The following LURAP1L variants were observed in gnomAD, a reference collection of about 807,000 sequenced individuals.
LURAP1L encodes leucine rich adaptor protein 1 like, also known as leucine rich adaptor protein 1-like.
Under a neutral mutation model 13.8 loss-of-function variants are expected in LURAP1L, and 12 were observed. The observed-to-expected ratio is 0.87, with a 90% CI of 0.56 to 1.41. The LOEUF is 1.41. LURAP1L is among the 40% of genes most tolerant of loss of function. The pLI is 0.00. For synonymous variants in LURAP1L, 139 were observed against 119.2 expected, an observed-to-expected ratio of 1.17 and a Z score of -1.08; for missense variants, 375 against 292.9, an observed-to-expected ratio of 1.28 and a Z score of -2.04.
intron 1 of LURAP1L, among the ~76,000 whole-genome samples, chr9:12,793,912 C>G (rs1057119126): frequency 6.6e-6 from 1 of 152,020 alleles, no homozygotes; most frequent in African/African-American, 2.4e-5. Flanking sequence ...AAATAAATAA[C>G]AAGGCTTAAT....
At chr9:12,786,967 C>T (rs1476246446) in intron 1 of LURAP1L, among the ~76,000 whole-genome samples, 1 of 151,910 alleles carries the variant, frequency 6.6e-6, no homozygotes, top group African/African-American at 2.4e-5. Context: ...TTTTGGTGAG[C>T]AGAATAAAGT....
At chr9:12,820,540 A>G (rs929964167) in intron 1 of LURAP1L, among the ~76,000 whole-genome samples, 6 of 137,234 alleles carry the variant, frequency 4.4e-5, no homozygotes, top group African/African-American at 1.3e-4. Flanking sequence ...CCACACACCT[A>G]GAAGGCACAT....
chr9:12,785,379 G>A (rs1368088889), intron 1 of LURAP1L, among the ~76,000 whole-genome samples: 1 of 152,008 alleles, frequency 6.6e-6, no homozygotes, highest in Non-Finnish European at 1.5e-5. Context: ...GTCTCACTAG[G>A]TCCTGTACAC....
chr9:12,785,225 G>A (rs1464547985), intron 1 of LURAP1L, among the ~76,000 whole-genome samples: 1 of 152,072 alleles, frequency 6.6e-6, no homozygotes, highest in Non-Finnish European at 1.5e-5. Context: ...CTATGGCTGA[G>A]GTAGTATTTA....
intron 1 of LURAP1L, among the ~76,000 whole-genome samples, chr9:12,796,154 A>G (rs1020554705): frequency 1.3e-5 from 2 of 152,008 alleles, no homozygotes; most frequent in East Asian, 1.9e-4. Context: ...ACATTTATCT[A>G]TGATTTCCCA....
At chr9:12,817,537 G>A (rs114002963) in intron 1 of LURAP1L, among the ~76,000 whole-genome samples, 328 of 152,266 alleles carry the variant, frequency 2.2e-3, no homozygotes, top group Middle Eastern at 6.8e-3. Flanking sequence ...ATCAAGGCAT[G>A]GGTATTGCAT....
Position 12,822,286 on chromosome 9 carries a change from G to C in LURAP1L, c.*526G>C, listed in dbSNP as rs565111155. On this transcript the variant is annotated 3_prime_UTR_variant, in exon 2 of 2. Coordinates refer to ENST00000319264, the MANE Select transcript of LURAP1L (RefSeq NM_203403.2). ...ATTCTAGTGTATAATCAACCATACT[G>C]TTAGTCACACACGCCCACATGACAA... Among the ~76,000 whole-genome samples the C allele has an allele frequency of 2.3e-4, 35 of 152,266 alleles. No individual in the cohort carries two copies. Among genetic ancestry groups the C allele is most frequent in the African/African-American group, 8.4e-4 (35 of 41,552 alleles).
chr9:12,789,267 C>G (rs1819407424), intron 1 of LURAP1L, among the ~76,000 whole-genome samples: 2 of 152,044 alleles, frequency 1.3e-5, no homozygotes, highest in Admixed American at 1.3e-4. Flanking sequence ...TGTAAAGTAG[C>G]TGAGATTCTG....
chr9:12,814,637 T>G (rs546843304), intron 1 of LURAP1L, among the ~76,000 whole-genome samples: 90 of 152,310 alleles, frequency 5.9e-4, no homozygotes, highest in Non-Finnish European at 2.2e-4. Flanking sequence ...CGAGCAGGCC[T>G]GGTGGCCGGA....
chr9:12,810,127 A>AT (rs1819716643), intron 1 of LURAP1L, among the ~76,000 whole-genome samples: 1 of 152,268 alleles, frequency 6.6e-6, no homozygotes, highest in South Asian at 2.1e-4. Flanking sequence ...AGAGGTCTGG[A>AT]TGTATTTCAG....
intron 1 of LURAP1L, among the ~76,000 whole-genome samples, chr9:12,814,569 G>T (rs7859336): frequency 2.6e-5 from 4 of 152,012 alleles, no homozygotes; most frequent in Non-Finnish European, 5.9e-5. Context: ...ATACTGAAAA[G>T]CTGCATGTAT....
intron 1 of LURAP1L, chr9:12,814,264 T>C (rs1429252964): frequency 2.0e-5 from 3 of 152,174 alleles, no homozygotes; most frequent in South Asian, 2.1e-4. Context: ...AAGTTCTAAA[T>C]TGAAAAGACA....
chr9:12,810,485 G>A (rs1424647329), intron 1 of LURAP1L, among the ~76,000 whole-genome samples: 2 of 152,094 alleles, frequency 1.3e-5, no homozygotes, highest in African/African-American at 2.4e-5. Flanking sequence ...TTGTTATGAA[G>A]ATGGGAGTGA....
chr9:12,779,422 C>G (rs1431625663), intron 1 of LURAP1L, among the ~76,000 whole-genome samples: 1 of 151,824 alleles, frequency 6.6e-6, no homozygotes, highest in Admixed American at 6.6e-5. Flanking sequence ...CTACAGGCAC[C>G]TGCAACCACG....
intron 1 of LURAP1L, among the ~76,000 whole-genome samples, chr9:12,793,885 G>A (rs1208406981): frequency 6.6e-6 from 1 of 151,960 alleles, no homozygotes; most frequent in South Asian, 2.1e-4. Context: ...CTCAAAATAT[G>A]GTCATTAGTA....
intron 1 of LURAP1L, among the ~76,000 whole-genome samples, 175 bp downstream of exon 1, chr9:12,776,202 G>A (rs1819180269): frequency 6.6e-6 from 1 of 152,166 alleles, no homozygotes; most frequent in African/African-American, 2.4e-5. Context: ...GGCAGCTGCT[G>A]CGAGGCTTGT....
intron 1 of LURAP1L, among the ~76,000 whole-genome samples, chr9:12,800,688 T>C (rs1312375987): frequency 6.6e-6 from 1 of 152,244 alleles, no homozygotes; most frequent in African/African-American, 2.4e-5. Context: ...TGTATGATAG[T>C]ATCTCTTAAT....
intron 1 of LURAP1L, among the ~76,000 whole-genome samples, chr9:12,788,194 A>AGAAAGAAAGAAAG (rs1554657448): frequency 0.011 from 1,737 of 151,520 alleles, 64 homozygotes; most frequent in East Asian, 0.1. Flanking sequence ...AAAGAAAGAA[A>AGAAAGAAAGAAAG]AGAAAAGAAA....
rs1819164128 is a variant in LURAP1L at position 12,775,783 on chromosome 9, G to A, written c.68G>A (p.Ser23Asn). Reference sequence around the variant, plus strand: ...AAGCTGGGGCGCAAAGTACCCGAGAGTCTAGTGCGCTCTCTCCGTGGGGAG... The same window carrying A: ...AAGCTGGGGCGCAAAGTACCCGAGAATCTAGTGCGCTCTCTCCGTGGGGAG... ...ELKLGRKVPE[S>N]LVRSLRGEEP... Residue 23 changes from serine to asparagine, a missense_variant, in exon 1 of 2, where the codon AGT (serine) becomes AAT (asparagine). Physicochemically the swap from Ser to Asn is conservative, Grantham distance 46. Transcript: ENST00000319264. The A allele has an allele frequency of 1.9e-6, 3 of 1,610,508 alleles. No homozygotes were observed. The highest frequency in any genetic ancestry group is 2.7e-5 in the African/African-American group (2 of 74,726).
Sources: allele counts gnomAD v4.1 joint callset (sites outside exome capture counted in the v4.1 genomes callset), GRCh38; gene constraint gnomAD v4.1.1; transcripts MANE v1.5; gene names NCBI Gene and HGNC (gene_info 2026-07-23, HGNC 2026-07-21).